Variants in INPP4B observed in about 807,000 individuals in gnomAD.
INPP4B encodes inositol polyphosphate-4-phosphatase type II B, also known as inositol polyphosphate 4-phosphatase type II.
INPP4B carries 55 observed loss-of-function variants against 122.5 expected under a neutral mutation model. That is an observed-to-expected ratio of 0.45 (90% CI 0.36 to 0.56). The LOEUF is 0.56. Ranked by LOEUF, INPP4B falls within the 20% of genes least tolerant of loss-of-function variation. The pLI is 0.00. For synonymous variants in INPP4B, 403 were observed against 388.7 expected (o/e 1.04, Z -0.43); for missense variants, 1,000 against 1,097.7 (o/e 0.91, Z 1.26).
intron 9 of INPP4B, among the ~76,000 whole-genome samples, chr4:142,304,320 A>G (rs1420549033): frequency 1.3e-5 from 2 of 152,106 alleles, no homozygotes; most frequent in African/African-American, 4.8e-5. Context: ...TAAAACTATA[A>G]AGATTTTTAT....
At chr4:142,663,882 A>G (rs10015404) in intron 2 of INPP4B, among the ~76,000 whole-genome samples, 16,575 of 152,244 alleles carry the variant, frequency 0.11, 935 homozygotes, top group South Asian at 0.15. Context: ...AATTATAGAA[A>G]GAAACTCAAG....
intron 25 of INPP4B, among the ~76,000 whole-genome samples, chr4:142,081,828 A>T (rs1000719781): frequency 6.6e-6 from 1 of 152,066 alleles, no homozygotes; most frequent in African/African-American, 2.4e-5. Flanking sequence ...GCCTAAAATG[A>T]GTAGGGGAAA....
intron 1 of INPP4B, among the ~76,000 whole-genome samples, chr4:142,727,430 C>G (rs749630043): frequency 2.0e-5 from 3 of 152,092 alleles, no homozygotes; most frequent in African/African-American, 4.8e-5. Context: ...AAAAGACATT[C>G]AAGAAAAGCA....
At chr4:142,535,133 A>C (rs1828035192) in intron 2 of INPP4B, among the ~76,000 whole-genome samples, 1 of 152,214 alleles carries the variant, frequency 6.6e-6, no homozygotes, top group Non-Finnish European at 1.5e-5. Context: ...CAGCAATGCC[A>C]AACATTAGGC....
intron 15 of INPP4B, among the ~76,000 whole-genome samples, chr4:142,188,311 C>T (rs918162150): frequency 6.6e-6 from 1 of 151,064 alleles, no homozygotes; most frequent in Non-Finnish European, 1.5e-5. Context: ...CACGGTGAAA[C>T]CCTGGCTCTA....
At chr4:142,260,937 T>A (rs1395623115) in intron 10 of INPP4B, among the ~76,000 whole-genome samples, 1 of 152,222 alleles carries the variant, frequency 6.6e-6, no homozygotes, top group Non-Finnish European at 1.5e-5. Context: ...AAGCAAATTA[T>A]TTTCTAGAGT....
intron 1 of INPP4B, among the ~76,000 whole-genome samples, chr4:142,757,722 T>A (rs1399591528): frequency 8.5e-6 from 1 of 117,742 alleles, no homozygotes; most frequent in Non-Finnish European, 1.7e-5. Context: ...TTTGGGCAAT[T>A]ATGAATATAA....
chr4:142,362,829 T>G (rs1785955987), intron 7 of INPP4B, among the ~76,000 whole-genome samples: 1 of 151,948 alleles, frequency 6.6e-6, no homozygotes, highest in African/African-American at 2.4e-5. Flanking sequence ...ACATTGAGTT[T>G]TCCAAACGGA....
intron 7 of INPP4B, among the ~76,000 whole-genome samples, chr4:142,366,716 C>T (rs1045570436): frequency 7.2e-5 from 11 of 151,960 alleles, no homozygotes; most frequent in Admixed American, 1.3e-4. Flanking sequence ...TTGCTCTAGA[C>T]CCAGAAATGC....
At position 142,150,606 on chromosome 4, in the gene INPP4B, C is replaced by A. The variant is rs576187591; in HGVS notation, c.1564-4610G>T. On this transcript the variant is annotated intron_variant, in intron 17 of 25. Transcript: ENST00000262992. ...ATAAGGTCATGGAGTCAGTGGGGAA[C>A]CAGCAGCAATATTTATTTCACTCTG... Among the ~76,000 whole-genome samples, 151 of 152,288 alleles carry A rather than the reference C, an allele frequency of 9.9e-4. No individual in the cohort carries two copies. In the Middle Eastern group the frequency reaches 0.02, roughly 21 times the overall value.
intron 2 of INPP4B, among the ~76,000 whole-genome samples, chr4:142,626,443 G>A (rs1746422485): frequency 6.6e-6 from 1 of 151,974 alleles, no homozygotes; most frequent in Non-Finnish European, 1.5e-5. Context: ...TGTGAGAGCA[G>A]CCACAGGAGG....
chr4:142,121,310 T>C (rs1796465228), intron 21 of INPP4B, among the ~76,000 whole-genome samples: 1 of 152,048 alleles, frequency 6.6e-6, no homozygotes, highest in African/African-American at 2.4e-5. Context: ...AATTATTATA[T>C]GTTTACTATC....
chr4:142,208,405 A>G lies in INPP4B; in HGVS notation c.1072+20T>C, dbSNP rs571034370. 4 of 1,367,290 alleles carry G rather than the reference A, an allele frequency of 2.9e-6. No homozygotes were observed. The South Asian group carries it at 5.2e-5, about 18-fold the overall frequency. 84.7% of individuals were successfully genotyped at this position (1,367,290 alleles called of 1,614,324 possible). A position where few individuals can be genotyped will look rare whatever the true frequency, so the allele number is the denominator to read the frequency against. On this transcript the variant is annotated intron_variant, in intron 14 of 25. Coordinates refer to ENST00000262992, the MANE Select transcript of INPP4B (RefSeq NM_001101669.3). ...CACTGTAACATAATTTGCTATTTTT[A>G]AAAGAATAATTTATGATACCTTTCA...
chr4:142,590,805 G>T (rs974661447), intron 2 of INPP4B, among the ~76,000 whole-genome samples: 5 of 150,342 alleles, frequency 3.3e-5, no homozygotes, highest in African/African-American at 1.2e-4. Flanking sequence ...AATGAAACAG[G>T]GTCTAGTTGC....
chr4:142,160,584 T>C, intron 16 of INPP4B, 23 bp from the exon 17 acceptor site: 1 of 1,559,514 alleles, frequency 6.4e-7, no homozygotes, highest in South Asian at 1.1e-5. Context: ...TGACAAGGAT[T>C]AGAAACACCT....
chr4:142,797,061 T>C (rs1322052089), intron 1 of INPP4B, among the ~76,000 whole-genome samples: 1 of 151,992 alleles, frequency 6.6e-6, no homozygotes, highest in Non-Finnish European at 1.5e-5. Flanking sequence ...ACTGAGATTA[T>C]ATTCATCAGT....
At chr4:142,159,104 T>A (rs1451698815) in intron 17 of INPP4B, among the ~76,000 whole-genome samples, 1 of 151,978 alleles carries the variant, frequency 6.6e-6, no homozygotes, top group African/African-American at 2.4e-5. Context: ...ATATAATGCA[T>A]TTGCCTTGGC....
In INPP4B at chr4:142,529,211, G is replaced by T. The variant is rs72726417; in HGVS notation, c.-190-66485C>A. ...TGGATCTGATATAACAATATGAAAA[G>T]TTTGTTGATATGGTTTCAGATTCTA... On this transcript the variant is annotated intron_variant, in intron 2 of 25. Transcript: ENST00000262992. Among the ~76,000 whole-genome samples the T allele has an allele frequency of 4.1e-3, 629 of 152,158 alleles. 1 individual carries two copies. The highest frequency in any genetic ancestry group is 6.3e-3 in the Non-Finnish European group (428 of 67,988).
In INPP4B at chr4:142,737,948, G is replaced by A. The variant is rs1317793464; in HGVS notation, c.-253-12047C>T. Among the ~76,000 whole-genome samples, 5 of 152,282 alleles carry A rather than the reference G, an allele frequency of 3.3e-5. No homozygotes were observed. In the South Asian group the frequency reaches 6.2e-4, roughly 19 times the overall value. ...CAGTTAGAATGGCAATCATTAAAAA[G>A]TCAGAAACCAACAGGTGCTGGAGAG... On this transcript the variant is annotated intron_variant, in intron 1 of 25. Transcript: ENST00000262992.
Sources: gnomAD v4.1 joint callset for allele counts (sites outside exome capture counted in the v4.1 genomes callset) on GRCh38, gnomAD v4.1.1 for gene constraint, MANE v1.5 for transcripts, NCBI Gene and HGNC (gene_info 2026-07-23, HGNC 2026-07-21) for gene names.